The following BBIP1 variants were observed in gnomAD, a reference collection of about 807,000 sequenced individuals.
The protein encoded by BBIP1 is BBSome-interacting protein 1.
In BBIP1, 6 loss-of-function variants were observed where a neutral mutation model predicts 8.9. The observed-to-expected ratio is 0.67, with a 90% CI of 0.37 to 1.33. The LOEUF (loss-of-function observed/expected upper bound fraction) is 1.33. Ranked by LOEUF, BBIP1 falls within the 40% of genes most tolerant of loss-of-function variation. BBIP1 has a pLI of 0.02. For synonymous variants in BBIP1, 32 were observed against 33.4 expected (o/e 0.96, Z 0.14); for missense variants, 111 against 109.2 (o/e 1.02, Z -0.07).
chr10:110,903,456 A>G (rs1487979911), intron 2 of BBIP1: 1 of 152,272 alleles, frequency 6.6e-6, no homozygotes, highest in Non-Finnish European at 1.5e-5. Context: ...CCTGGATAGA[A>G]TGTCTGTTTT....
intron 1 of BBIP1, among the ~76,000 whole-genome samples, chr10:110,918,467 T>C (rs1261362834): frequency 1.3e-5 from 2 of 152,004 alleles, no homozygotes; most frequent in Admixed American, 6.6e-5. Context: ...CTTTTATAGG[T>C]GAAGGTGGAA....
intron 2 of BBIP1, among the ~76,000 whole-genome samples, chr10:110,906,148 G>A (rs1342036368): frequency 6.6e-6 from 1 of 151,870 alleles, no homozygotes; most frequent in African/African-American, 2.4e-5. Context: ...GACTACAGGC[G>A]CCCGCCACCA....
chr10:110,906,520 G>C (rs571438809), intron 2 of BBIP1: 1 of 152,042 alleles, frequency 6.6e-6, no homozygotes, highest in Admixed American at 6.5e-5. Context: ...ATTAGTTCAC[G>C]TATATACATG....
chr10:110,918,424 G>T (rs1428030648), intron 1 of BBIP1, among the ~76,000 whole-genome samples: 1 of 152,238 alleles, frequency 6.6e-6, no homozygotes, highest in South Asian at 2.1e-4. Flanking sequence ...AAAAGATTGA[G>T]GTCCTGCCCT....
At chr10:110,903,935 A>T (rs1183060318) in intron 2 of BBIP1, 4 of 152,202 alleles carry the variant, frequency 2.6e-5, no homozygotes, top group Admixed American at 6.5e-5. Flanking sequence ...GGGGTATGAC[A>T]TCATTAAGCA....
Position 110,900,362 on chromosome 10 carries a change from A to T in BBIP1, c.277T>A (p.Ter93ArgextTer16). ...AEKDQRQITH[*>R] ...TCCCTAAAGTGCTCAGTTATCATTC[A>T]GTGGGTTATTTGCCGTTGATCCTTT... Residue 93 changes from the stop codon to arginine, a stop_lost, in exon 4 of 4, where the codon TGA (stop) becomes AGA (arginine). Transcript: ENST00000448814. The T allele has an allele frequency of 1.3e-6, 2 of 1,534,174 alleles. No individual in the cohort carries two copies. The highest frequency in any genetic ancestry group is 1.7e-6 in the Non-Finnish European group (2 of 1,146,606).
chr10:110,917,821 A>G, intron 2 of BBIP1: 1 of 199,928 alleles, frequency 5.0e-6, no homozygotes, highest in Non-Finnish European at 8.2e-6. Flanking sequence ...CTAAAAACAT[A>G]AGCGCTATTA....
intron 2 of BBIP1, chr10:110,907,522 A>AC (rs964884173): frequency 6.1e-6 from 3 of 494,326 alleles, no homozygotes; most frequent in African/African-American, 6.0e-5. Context: ...CAAGAAAAAA[A>AC]AAAAAAAAGA....
chr10:110,918,065 G>A (rs998121877), intron 2 of BBIP1, 56 bp downstream of exon 2: 3 of 1,432,442 alleles, frequency 2.1e-6, no homozygotes, highest in Non-Finnish European at 2.8e-6. Flanking sequence ...AAGTCGAGAA[G>A]GTAGGTTTGC....
rs376794056 is a variant in BBIP1, at chr10:110,900,784, T to G, written c.113-258A>C. On this transcript the variant is annotated intron_variant, in intron 3 of 3. Coordinates refer to ENST00000448814, the MANE Select transcript of BBIP1 (RefSeq NM_001195305.3). ...CTATGCTACCATAAGACACAACTTT[T>G]TGTGTCAGAAGTTTAATCTTAAAAT... 329 of 371,856 alleles carry G rather than the reference T, an allele frequency of 8.8e-4. 7 individuals carry two copies. In the South Asian group the frequency reaches 0.015, roughly 17 times the overall value. 23.0% of individuals were successfully genotyped at this position (371,856 alleles called of 1,614,324 possible).
At chr10:110,900,579 G>C in intron 3 of BBIP1, 53 bp from the exon 4 acceptor site, 1 of 1,388,976 alleles carries the variant, frequency 7.2e-7, no homozygotes, top group Non-Finnish European at 9.5e-7. Flanking sequence ...CCAGTTGTTT[G>C]TAGTTGGATT....
At chr10:110,913,566 A>T (rs1486845083) in intron 2 of BBIP1, among the ~76,000 whole-genome samples, 1 of 152,354 alleles carries the variant, frequency 6.6e-6, no homozygotes, top group Middle Eastern at 3.4e-3. Context: ...TCATAATAGA[A>T]CTCAAAGCTG....
rs533710295 is a variant in BBIP1 at position 110,909,969 on chromosome 10, T to G, written c.37+8152A>C. Among the ~76,000 whole-genome samples the G allele has an allele frequency of 3.3e-5, 5 of 152,356 alleles. No homozygotes were observed. The East Asian group carries it at 9.6e-4, about 29-fold the overall frequency. ...GAGACAGAGTAGGTAAAAACCAGTT[T>G]CTTTCTTTGGTGGAGGTGAGGTAGG... is the stretch of plus-strand genomic sequence containing the variant. On this transcript the variant is annotated intron_variant, in intron 2 of 3. Transcript: ENST00000448814.
intron 2 of BBIP1, chr10:110,907,531 G>T: frequency 1.3e-5 from 5 of 389,946 alleles, no homozygotes; most frequent in East Asian, 4.0e-5. Context: ...AAAAAAAAAA[G>T]AAAAGAAAAG....
intron 2 of BBIP1, among the ~76,000 whole-genome samples, chr10:110,915,108 A>AT (rs1289942882): frequency 6.6e-6 from 1 of 152,106 alleles, no homozygotes; most frequent in East Asian, 1.9e-4. Context: ...AAAAATACAG[A>AT]TTTTTCTGGA....
intron 2 of BBIP1, among the ~76,000 whole-genome samples, chr10:110,913,214 G>T (rs1440274918): frequency 6.6e-6 from 1 of 152,138 alleles, no homozygotes; most frequent in Non-Finnish European, 1.5e-5. Context: ...CCAGAGGTTT[G>T]GTTTTCTCAT....
chr10:110,916,887 TG>T (rs1846417241), intron 2 of BBIP1, among the ~76,000 whole-genome samples: 1 of 152,148 alleles, frequency 6.6e-6, no homozygotes, highest in African/African-American at 2.4e-5. Context: ...TGTAGGACAC[TG>T]GAGAGGGGTA....
intron 2 of BBIP1, among the ~76,000 whole-genome samples, chr10:110,916,774 T>C (rs1846413765): frequency 6.6e-6 from 1 of 152,152 alleles, no homozygotes; most frequent in Non-Finnish European, 1.5e-5. Context: ...GCTCCAAGAA[T>C]AGGCAAAGTA....
rs1357950163 is a variant in BBIP1, at chr10:110,900,417, C to T, written c.222G>A (p.Gln74=). Residue 74 remains glutamine (Q), a synonymous_variant, in exon 4 of 4, where the codon CAG becomes CAA. Coordinates refer to ENST00000448814, the MANE Select transcript of BBIP1 (RefSeq NM_001195305.3). ...CCATTTCTTGTTGGCGAATTGTATT[C>T]TGTGCTGCTTGATGCATTTTCTCTA... The part of the protein sequence containing the change: ...EKLEKMHQAA[Q]NTIRQQEMAE... 6.5e-7 allele frequency: 1 copy of T among 1,535,682 alleles called. No homozygotes were observed. Among genetic ancestry groups the T allele is most frequent in the East Asian group, 2.4e-5 (1 of 40,874 alleles).
Sources: gnomAD v4.1 joint callset for allele counts (sites outside exome capture counted in the v4.1 genomes callset) on GRCh38, gnomAD v4.1.1 for gene constraint, MANE v1.5 for transcripts, NCBI Gene and HGNC (gene_info 2026-07-23, HGNC 2026-07-21) for gene names.